The following SMCO2 variants were observed in gnomAD, a reference collection of about 807,000 sequenced individuals.
The protein encoded by SMCO2 is single-pass membrane and coiled-coil domain-containing protein 2.
Under a neutral mutation model 29.5 loss-of-function variants are expected in SMCO2, and 25 were observed. The ratio of observed to expected loss-of-function variants is 0.85; its 90% confidence interval spans 0.62 to 1.18. The LOEUF (loss-of-function observed/expected upper bound fraction) is 1.18. SMCO2 is among the 50% of genes most tolerant of loss of function. The pLI, the probability that SMCO2 is intolerant of heterozygous loss-of-function variation, is 0.00. For missense variants in SMCO2, 348 were observed against 344.5 expected, an observed-to-expected ratio of 1.01 and a Z score of -0.08; for synonymous variants, 117 against 123.3, an observed-to-expected ratio of 0.95 and a Z score of 0.34.
At chr12:27,459,609 C>T in the SMCO2 span, among the ~76,000 whole-genome samples, 58 of 152,210 alleles carry the variant, frequency 3.8e-4, no homozygotes, top group Non-Finnish European at 6.0e-4. Context: ...ACATGTACCC[C>T]GGAACCAAAA....
intron 6 of SMCO2, among the ~76,000 whole-genome samples, chr12:27,494,943 C>T (rs1191473734): frequency 1.3e-5 from 2 of 152,024 alleles, no homozygotes; most frequent in Non-Finnish European, 2.9e-5. Flanking sequence ...TTCGGGTCTA[C>T]ATATTACCCA....
the SMCO2 span, among the ~76,000 whole-genome samples, chr12:27,443,345 G>A: frequency 6.6e-6 from 1 of 152,074 alleles, no homozygotes; most frequent in Admixed American, 6.6e-5. Flanking sequence ...CCTCAAAAAT[G>A]GGTATAGAAG....
At chr12:27,474,979 A>G (rs1949572601) in intron 4 of SMCO2, 66 bp downstream of exon 4, 2 of 1,509,714 alleles carry the variant, frequency 1.3e-6, no homozygotes, top group South Asian at 1.3e-5. Flanking sequence ...GAATTTAAGC[A>G]GATAACTTAG....
At chr12:27,464,367 G>A (rs574282437), upstream of SMCO2, among the ~76,000 whole-genome samples, 11 of 152,098 alleles carry the variant, frequency 7.2e-5, no homozygotes, top group Non-Finnish European at 1.5e-4. Context: ...AGGAGCTGAG[G>A]AAGACAGAAA....
chr12:27,483,674 A>G (rs577235349), intron 4 of SMCO2, among the ~76,000 whole-genome samples: 1 of 152,286 alleles, frequency 6.6e-6, no homozygotes, highest in African/African-American at 2.4e-5. Context: ...ATCCCCCTGC[A>G]TGAGCCTCCT....
At chr12:27,501,422 AAAAAAAAAAAAAAAAC>A (rs1943075124) in intron 7 of SMCO2, among the ~76,000 whole-genome samples, 1 of 127,690 alleles carries the variant, frequency 7.8e-6, no homozygotes, top group African/African-American at 3.7e-5. Context: ...TCTCAAAAAA[AAAAAAAAAAAAAAAAC>A]AAACAAACAA....
intron 6 of SMCO2, among the ~76,000 whole-genome samples, 158 bp from the exon 8 acceptor site, chr12:27,495,522 C>G (rs73088341): frequency 0.073 from 10,938 of 150,506 alleles, 1,128 homozygotes; most frequent in African/African-American, 0.16. Context: ...TGCTTCTATT[C>G]AAGATGCACC....
At chr12:27,466,830 C>T (rs879350417) in exon 1 of SMCO2, 5 of 152,290 alleles carry the variant, frequency 3.3e-5, no homozygotes, top group Admixed American at 3.3e-4. Flanking sequence ...GTGTTTACCA[C>T]TCAAATGGTT....
chr12:27,488,964 T>A (rs1949712200), intron 5 of SMCO2, among the ~76,000 whole-genome samples: 1 of 152,178 alleles, frequency 6.6e-6, no homozygotes, highest in South Asian at 2.1e-4. Flanking sequence ...TTGTGTTGGT[T>A]TTCACAATCT....
intron 3 of SMCO2, among the ~76,000 whole-genome samples, chr12:27,474,096 T>C (rs1949563878): frequency 6.6e-6 from 1 of 152,230 alleles, no homozygotes; most frequent in Non-Finnish European, 1.5e-5. Context: ...CACCTGTATT[T>C]AAAAATCTTT....
At chr12:27,502,117 C>T in exon 8 of SMCO2, 8 of 1,528,010 alleles carry the variant, frequency 5.2e-6, no homozygotes, top group Non-Finnish European at 7.0e-6. Flanking sequence ...TTGTTACCCT[C>T]CTAAAGATAC....
At chr12:27,452,403 A>G in the SMCO2 span, among the ~76,000 whole-genome samples, 1 of 152,296 alleles carries the variant, frequency 6.6e-6, no homozygotes, top group Admixed American at 6.5e-5. Context: ...ACCACATTTT[A>G]AATCCAATCA....
intron 4 of SMCO2, among the ~76,000 whole-genome samples, chr12:27,486,347 C>A (rs914573115): frequency 1.8e-4 from 28 of 152,202 alleles, no homozygotes; most frequent in African/African-American, 6.8e-4. Flanking sequence ...CAGCCTTCTC[C>A]TGCATCCCCT....
the SMCO2 span, among the ~76,000 whole-genome samples, chr12:27,429,628 A>G: frequency 6.6e-6 from 1 of 152,156 alleles, no homozygotes; most frequent in Admixed American, 6.5e-5. Flanking sequence ...ATGAGTATAG[A>G]ATAGGAAGTC....
intron 4 of SMCO2, among the ~76,000 whole-genome samples, chr12:27,487,780 C>G (rs1171780934): frequency 2.8e-5 from 4 of 144,742 alleles, no homozygotes; most frequent in Non-Finnish European, 4.5e-5. Flanking sequence ...GCCATTGTGA[C>G]AAGTATGTAG....
chr12:27,441,231 C>G, the SMCO2 span, among the ~76,000 whole-genome samples: 1 of 152,096 alleles, frequency 6.6e-6, no homozygotes, highest in Non-Finnish European at 1.5e-5. Flanking sequence ...TGCACTCCAG[C>G]CTGGGCAACA....
intron 7 of SMCO2, among the ~76,000 whole-genome samples, chr12:27,496,117 A>G (rs190426347): frequency 6.6e-6 from 1 of 150,378 alleles, no homozygotes; most frequent in East Asian, 1.9e-4. Flanking sequence ...TTAGATAAAT[A>G]TATCTAAATA....
chr12:27,486,722 C>T (rs1949691973), intron 4 of SMCO2, among the ~76,000 whole-genome samples: 1 of 152,176 alleles, frequency 6.6e-6, no homozygotes, highest in East Asian at 1.9e-4. Flanking sequence ...ATACTTGGCA[C>T]ATAGTAAATG....
At chr12:27,477,035 C>G (rs533270671) in intron 4 of SMCO2, among the ~76,000 whole-genome samples, 1 of 152,010 alleles carries the variant, frequency 6.6e-6, no homozygotes, top group Non-Finnish European at 1.5e-5. Flanking sequence ...GAATTTGATA[C>G]TTTTGTGAGT....
Sources: gnomAD v4.1 joint callset for allele counts (sites outside exome capture counted in the v4.1 genomes callset) on GRCh38, gnomAD v4.1.1 for gene constraint, MANE v1.5 for transcripts, NCBI Gene and HGNC (gene_info 2026-07-23, HGNC 2026-07-21) for gene names.